Variants in MAP3K5 observed in about 807,000 individuals in gnomAD.
MAP3K5 encodes the protein ASK-1.
Under a neutral mutation model 158.7 loss-of-function variants are expected in MAP3K5, and 56 were observed. The observed-to-expected ratio is 0.35, with a 90% CI of 0.28 to 0.44. The LOEUF is 0.44. Ranked by LOEUF, MAP3K5 falls within the 20% of genes least tolerant of loss-of-function variation. The pLI is 1.00. For synonymous variants in MAP3K5, 579 were observed against 601.7 expected (o/e 0.96, Z 0.55); for missense variants, 1,294 against 1,674.8 (o/e 0.77, Z 3.97).
At chr6:136,706,729 A>T (rs10484491) in intron 2 of MAP3K5, among the ~76,000 whole-genome samples, 43 of 152,126 alleles carry the variant, frequency 2.8e-4, no homozygotes, top group African/African-American at 9.9e-4. Context: ...AAGAACCAAC[A>T]AGGACTTTCA....
Position 136,558,732 on chromosome 6 carries a change from A to G in MAP3K5, c.4064+68T>C, listed in dbSNP as rs1248160411. The G allele has an allele frequency of 7.1e-6, 7 of 989,094 alleles. No homozygotes were observed. The East Asian group carries it at 1.7e-4, about 24-fold the overall frequency. The allele number at this position is 989,094 out of a possible 1,614,324, so 61.3% of individuals were successfully genotyped here. A position where few individuals can be genotyped will look rare whatever the true frequency, so the allele number is the denominator to read the frequency against. On this transcript the variant is annotated intron_variant, in intron 29 of 29. Coordinates refer to ENST00000359015, the MANE Select transcript of MAP3K5 (RefSeq NM_005923.4). Reference sequence around the variant, plus strand: ...AGCTAATTAGAGACCCAGCCTGGGAAGATACTCAGACTTTTTGATATTTGC... The same window carrying G: ...AGCTAATTAGAGACCCAGCCTGGGAGGATACTCAGACTTTTTGATATTTGC...
intron 21 of MAP3K5, among the ~76,000 whole-genome samples, chr6:136,597,217 A>G (rs1286600735): frequency 6.6e-6 from 1 of 152,194 alleles, no homozygotes; most frequent in Non-Finnish European, 1.5e-5. Context: ...TAGCTTTACC[A>G]AGAGGCCAGG....
intron 1 of MAP3K5, among the ~76,000 whole-genome samples, chr6:136,754,972 C>A (rs1353781773): frequency 1.3e-5 from 2 of 152,166 alleles, no homozygotes; most frequent in Non-Finnish European, 2.9e-5. Flanking sequence ...CCTCAATCCA[C>A]TGAATCATGA....
At chr6:136,589,925 T>A (rs1384442596) in intron 23 of MAP3K5, among the ~76,000 whole-genome samples, 1 of 152,164 alleles carries the variant, frequency 6.6e-6, no homozygotes, top group Non-Finnish European at 1.5e-5. Flanking sequence ...CTGGTTTGGA[T>A]GTGATTTGTC....
intron 1 of MAP3K5, among the ~76,000 whole-genome samples, chr6:136,737,846 G>A (rs538097294): frequency 6.6e-6 from 1 of 152,298 alleles, no homozygotes; most frequent in Admixed American, 6.5e-5. Context: ...TGGGAGCAGA[G>A]GACAAGGAGT....
intron 2 of MAP3K5, among the ~76,000 whole-genome samples, chr6:136,712,609 T>A (rs1261513619): frequency 6.6e-6 from 1 of 152,242 alleles, no homozygotes; most frequent in African/African-American, 2.4e-5. Context: ...TTAAACTGTA[T>A]TGTTAAAGTT....
intron 21 of MAP3K5, among the ~76,000 whole-genome samples, chr6:136,598,840 G>A (rs2237264): frequency 0.063 from 9,528 of 152,132 alleles, 616 homozygotes; most frequent in East Asian, 0.18. Context: ...TGTTTCAATT[G>A]ACATGAGGCA....
rs61451347 is a variant in MAP3K5 at position 136,582,263 on chromosome 6, C to CGTGTGT, written c.3411+1286_3411+1291dup. ...GTGTATGTGTACACGTGTGTGTATACGTGTGTGTGTGTGTGTGTGTGTGTG... is the reference window on the plus strand; with the variant it reads ...GTGTATGTGTACACGTGTGTGTATACGTGTGTGTGTGTGTGTGTGTGTGTGTGTGTG... On this transcript the variant is annotated intron_variant, in intron 24 of 29. Coordinates refer to ENST00000359015, the MANE Select transcript of MAP3K5 (RefSeq NM_005923.4). Among the ~76,000 whole-genome samples the CGTGTGT allele has an allele frequency of 4.6e-3, 640 of 138,112 alleles. 5 individuals are homozygous for CGTGTGT. Among genetic ancestry groups the CGTGTGT allele is most frequent in the African/African-American group, 0.014 (507 of 37,314 alleles). The allele number at this position is 138,112 out of a possible 152,430, so 90.6% of individuals were successfully genotyped here.
At chr6:136,758,930 T>C (rs1429020187) in intron 1 of MAP3K5, among the ~76,000 whole-genome samples, 1 of 152,230 alleles carries the variant, frequency 6.6e-6, no homozygotes, top group Non-Finnish European at 1.5e-5. Context: ...CCCAGCCCTT[T>C]GGGAGGCCGA....
At chr6:136,778,253 T>C (rs1201104580) in intron 1 of MAP3K5, among the ~76,000 whole-genome samples, 2 of 152,146 alleles carry the variant, frequency 1.3e-5, no homozygotes, top group Non-Finnish European at 2.9e-5. Context: ...ACTGATTTCA[T>C]TAAAAAAATA....
intron 21 of MAP3K5, among the ~76,000 whole-genome samples, chr6:136,596,252 T>C (rs1015796799): frequency 4.6e-5 from 7 of 150,580 alleles, no homozygotes; most frequent in Admixed American, 4.0e-4. Context: ...GAAAATGGGG[T>C]GTCATGGAAG....
intron 1 of MAP3K5, among the ~76,000 whole-genome samples, chr6:136,784,630 C>T (rs1379914723): frequency 6.6e-6 from 1 of 152,080 alleles, no homozygotes; most frequent in Non-Finnish European, 1.5e-5. Flanking sequence ...GAAGCAGTGG[C>T]TGAAAGGTGG....
At chr6:136,672,726 G>T (rs191045762) in intron 7 of MAP3K5, among the ~76,000 whole-genome samples, 310 of 152,074 alleles carry the variant, frequency 2.0e-3, no homozygotes, top group African/African-American at 6.1e-3. Flanking sequence ...TTTGGGCTGG[G>T]TGCACTGGCT....
intron 21 of MAP3K5, among the ~76,000 whole-genome samples, chr6:136,595,463 A>T (rs117678660): frequency 6.6e-6 from 1 of 152,170 alleles, no homozygotes; most frequent in Non-Finnish European, 1.5e-5. Flanking sequence ...TCTATTAGGC[A>T]CATGCATTCA....
chr6:136,697,475 T>C (rs776059667), intron 4 of MAP3K5, 88 bp from the exon 5 acceptor site: 25 of 1,065,988 alleles, frequency 2.3e-5, no homozygotes, highest in Non-Finnish European at 3.2e-5. Flanking sequence ...ATGAATGATA[T>C]TGCAGCATTA....
At chr6:136,602,128 G>T in intron 19 of MAP3K5, 149 bp from the exon 20 acceptor site, 1 of 645,334 alleles carries the variant, frequency 1.5e-6, no homozygotes, top group Non-Finnish European at 2.7e-6. Context: ...GAGATAAGAT[G>T]TGTTTGCTGC....
chr6:136,715,686 C>T (rs373993917), intron 2 of MAP3K5, among the ~76,000 whole-genome samples: 12 of 152,080 alleles, frequency 7.9e-5, no homozygotes, highest in Non-Finnish European at 1.3e-4. Context: ...TTGATATTGA[C>T]GTCTGAAGCA....
At chr6:136,680,297 C>A (rs1779878681) in intron 7 of MAP3K5, among the ~76,000 whole-genome samples, 1 of 152,080 alleles carries the variant, frequency 6.6e-6, no homozygotes, top group Non-Finnish European at 1.5e-5. Context: ...GTACTTAATG[C>A]CACTGAACTG....
At chr6:136,769,798 AGGG>A (rs1784117039) in intron 1 of MAP3K5, among the ~76,000 whole-genome samples, 5 of 44,014 alleles carry the variant, frequency 1.1e-4, no homozygotes, top group Non-Finnish European at 4.3e-5. Flanking sequence ...GAAGGAAGGG[AGGG>A]AGGGAGGGAG....
Sources: allele counts gnomAD v4.1 joint callset (sites outside exome capture counted in the v4.1 genomes callset), GRCh38; gene constraint gnomAD v4.1.1; transcripts MANE v1.5; gene names NCBI Gene and HGNC (gene_info 2026-07-23, HGNC 2026-07-21).